Variants in ULK4 observed in about 807,000 individuals in gnomAD.
ULK4 encodes inactive serine/threonine-protein kinase ULK4.
ULK4 carries 133 observed loss-of-function variants against 160.6 expected under a neutral mutation model. The observed-to-expected ratio is 0.83, with a 90% CI of 0.72 to 0.96. ULK4 has a LOEUF of 0.96. ULK4 is among the 40% of genes least tolerant of loss of function. The pLI, the probability that ULK4 is intolerant of heterozygous loss-of-function variation, is 0.00. For synonymous variants in ULK4, 534 were observed against 539.8 expected, an observed-to-expected ratio of 0.99 and a Z score of 0.15; for missense variants, 1,580 against 1,499.5, an observed-to-expected ratio of 1.05 and a Z score of -0.89.
intron 35 of ULK4, among the ~76,000 whole-genome samples, chr3:41,348,238 T>G (rs113230034): frequency 0.01 from 1,257 of 123,988 alleles, 34 homozygotes; most frequent in African/African-American, 0.034. Context: ...AAAAAGTACA[T>G]GGACCAAGAG....
intron 34 of ULK4, among the ~76,000 whole-genome samples, chr3:41,399,022 TTCC>T (rs1411185155): frequency 1.4e-4 from 21 of 152,260 alleles, no homozygotes; most frequent in African/African-American, 2.6e-4. Flanking sequence ...CATACCCATA[TTCC>T]TCCTATTTAA....
chr3:41,959,450 C>A (rs1700594918), intron 1 of ULK4, among the ~76,000 whole-genome samples: 1 of 151,752 alleles, frequency 6.6e-6, no homozygotes, highest in African/African-American at 2.4e-5. Context: ...TGGCTTGAAC[C>A]CAGGAGGCAC....
At chr3:41,525,029 A>G (rs1297010824) in intron 32 of ULK4, among the ~76,000 whole-genome samples, 1 of 152,182 alleles carries the variant, frequency 6.6e-6, no homozygotes, top group Non-Finnish European at 1.5e-5. Context: ...TAGGTGAAAG[A>G]TGAGACTTGA....
At chr3:41,849,620 G>C (rs2042160106) in intron 17 of ULK4, among the ~76,000 whole-genome samples, 1 of 152,142 alleles carries the variant, frequency 6.6e-6, no homozygotes, top group Non-Finnish European at 1.5e-5. Flanking sequence ...AACACCAAGA[G>C]CAAAGCATAA....
intron 35 of ULK4, among the ~76,000 whole-genome samples, chr3:41,336,458 G>A (rs988210674): frequency 1.3e-5 from 2 of 152,192 alleles, no homozygotes; most frequent in African/African-American, 4.8e-5. Context: ...CTTCTATTCT[G>A]TGTCACTTCT....
At chr3:41,411,350 C>G (rs2082404861) in intron 34 of ULK4, among the ~76,000 whole-genome samples, 1 of 151,934 alleles carries the variant, frequency 6.6e-6, no homozygotes. Flanking sequence ...AAGCCTGCTA[C>G]TTAGAGGCTT....
intron 34 of ULK4, among the ~76,000 whole-genome samples, chr3:41,443,559 A>G (rs2083221264): frequency 1.3e-5 from 2 of 152,162 alleles, no homozygotes; most frequent in South Asian, 4.1e-4. Flanking sequence ...CAAAGTTTAT[A>G]CTTTCATGTA....
chr3:41,780,821 A>T (rs9875107), intron 21 of ULK4, among the ~76,000 whole-genome samples: 44,989 of 152,042 alleles, frequency 0.3, 9,285 homozygotes, highest in African/African-American at 0.59. Context: ...GGGCCATTTT[A>T]ACCACAAGCA....
intron 31 of ULK4, among the ~76,000 whole-genome samples, chr3:41,575,090 T>C (rs2088141450): frequency 6.6e-6 from 1 of 152,210 alleles, no homozygotes; most frequent in Non-Finnish European, 1.5e-5. Flanking sequence ...GGCATTATGA[T>C]GTGGGAAACA....
At position 41,935,209 on chromosome 3, in the gene ULK4, ATTTTT is replaced by A. The variant is rs10524611; in HGVS notation, c.378+587_378+591del. ...TTTTTGTGTTTTTATTTATTTATTT[ATTTTT>A]TTTTTTTTTTTTTTTTTTTTTTTTT... On this transcript the variant is annotated intron_variant, in intron 4 of 36. Transcript: ENST00000301831. Among the ~76,000 whole-genome samples, 651 of 135,614 alleles carry A rather than the reference ATTTTT, an allele frequency of 4.8e-3. 13 individuals are homozygous for A. The highest frequency in any genetic ancestry group is 0.012 in the South Asian group (54 of 4,430). 89.0% of individuals were successfully genotyped at this position (135,614 alleles called of 152,430 possible). A position where few individuals can be genotyped will look rare whatever the true frequency, so the allele number is the denominator to read the frequency against.
At chr3:41,721,352 ATATATATATATTTT>A (rs1279239867) in intron 22 of ULK4, among the ~76,000 whole-genome samples, 1 of 57,602 alleles carries the variant, frequency 1.7e-5, no homozygotes, top group Non-Finnish European at 2.9e-5. Context: ...ATATATATAT[ATATATATATATTTT>A]TTTTTTTTTT....
At chr3:41,522,964 T>C (rs2085984662) in intron 32 of ULK4, among the ~76,000 whole-genome samples, 1 of 152,134 alleles carries the variant, frequency 6.6e-6, no homozygotes, top group South Asian at 2.1e-4. Flanking sequence ...CAGGCTGGAG[T>C]ACAGTGGCAC....
chr3:41,863,682 G>A (rs1308705124), intron 17 of ULK4, among the ~76,000 whole-genome samples: 1 of 151,778 alleles, frequency 6.6e-6, no homozygotes. Flanking sequence ...ACAGGACCGG[G>A]TCCTTTCCCT....
chr3:41,841,335 C>G (rs1421735449), intron 17 of ULK4, among the ~76,000 whole-genome samples: 1 of 146,166 alleles, frequency 6.8e-6, no homozygotes, highest in African/African-American at 2.5e-5. Context: ...TGAGGGGCGT[C>G]TCTGTCCGGC....
chr3:41,512,864 C>G (rs1175294138), intron 32 of ULK4, among the ~76,000 whole-genome samples: 1 of 151,986 alleles, frequency 6.6e-6, no homozygotes, highest in Non-Finnish European at 1.5e-5. Flanking sequence ...TCATATTACC[C>G]AACTTCAAAC....
intron 34 of ULK4, among the ~76,000 whole-genome samples, chr3:41,409,498 A>T (rs9875841): frequency 0.26 from 40,253 of 152,164 alleles, 5,601 homozygotes; most frequent in South Asian, 0.39. Context: ...AGGGACTTGT[A>T]TATACATGAT....
At chr3:41,771,676 C>A (rs1035181904) in intron 21 of ULK4, among the ~76,000 whole-genome samples, 1 of 152,102 alleles carries the variant, frequency 6.6e-6, no homozygotes. Flanking sequence ...ACTACCACCA[C>A]CACACACACA....
At chr3:41,720,129 A>G (rs2037399976) in intron 22 of ULK4, among the ~76,000 whole-genome samples, 1 of 152,232 alleles carries the variant, frequency 6.6e-6, no homozygotes, top group African/African-American at 2.4e-5. Flanking sequence ...TTTAAAAGAT[A>G]TTTTTAATTA....
chr3:41,371,226 G>A (rs778050596), intron 35 of ULK4, among the ~76,000 whole-genome samples: 1 of 152,208 alleles, frequency 6.6e-6, no homozygotes, highest in Non-Finnish European at 1.5e-5. Context: ...AGCTTCAGCA[G>A]ACTTAAATGT....
Sources: allele counts gnomAD v4.1 joint callset (sites outside exome capture counted in the v4.1 genomes callset), GRCh38; gene constraint gnomAD v4.1.1; transcripts MANE v1.5; gene names NCBI Gene and HGNC (gene_info 2026-07-23, HGNC 2026-07-21).